The following LRRC74A variants were observed in gnomAD, a reference collection of about 807,000 sequenced individuals.
LRRC74A encodes the protein leucine rich repeat containing 74A.
A neutral mutation model predicts 57.9 loss-of-function variants in LRRC74A; 44 were observed. The observed-to-expected ratio is 0.76, with a 90% CI of 0.60 to 0.98. The LOEUF is 0.98. Ranked by LOEUF, LRRC74A falls within the 50% of genes least tolerant of loss-of-function variation. LRRC74A has a pLI of 0.00. For synonymous variants in LRRC74A, 211 were observed against 219.4 expected, an observed-to-expected ratio of 0.96 and a Z score of 0.34; for missense variants, 572 against 574.0, an observed-to-expected ratio of 1.00 and a Z score of 0.04.
In LRRC74A at chr14:76,831,282, C is replaced by T. The variant is rs1895952124; in HGVS notation, c.246C>T (p.Ser82=). 6.2e-7 allele frequency: 1 copy of T among 1,613,926 alleles called. No individual in the cohort carries two copies. Among genetic ancestry groups the T allele is most frequent in the African/African-American group, 1.3e-5 (1 of 74,936 alleles). Reference sequence around the variant, plus strand: ...AGCTGATGGGTGTAGTGCCTGTCTCCTACTTCATTCGGAACATGGAGGAGT... The same window carrying T: ...AGCTGATGGGTGTAGTGCCTGTCTCTTACTTCATTCGGAACATGGAGGAGT... ...ACKLMGVVPV[S]YFIRNMEESY... The change falls in exon 3 of 14, where the codon TCC becomes TCT. Residue 82 remains serine, a synonymous_variant. Coordinates refer to ENST00000689127, the MANE Select transcript of LRRC74A (RefSeq NM_001385106.1).
chr14:76,828,057 C>G (rs950030649), intron 1 of LRRC74A, among the ~76,000 whole-genome samples: 2 of 152,218 alleles, frequency 1.3e-5, no homozygotes, highest in African/African-American at 4.8e-5. Flanking sequence ...AGCAGCCGGT[C>G]TCCAGGGAGC....
Position 76,857,425 on chromosome 14 carries a change from C to T in LRRC74A, c.1003C>T (p.Leu335=), listed in dbSNP as rs1420690504. The change falls in exon 10 of 14, where the codon CTG becomes TTG. Residue 335 remains leucine, a synonymous_variant. Coordinates refer to ENST00000689127, the MANE Select transcript of LRRC74A (RefSeq NM_001385106.1). The part of the protein sequence containing the change: ...INMDGAILLI[L]AIKRNPKSRM... ...TATGGATGGGGCTATTTTACTTATC[C>T]TGGCTATCAAGAGGAACCCCAAATC... is the stretch of plus-strand genomic sequence containing the variant. 1 of 1,587,706 alleles carries T rather than the reference C, an allele frequency of 6.3e-7. No individual in the cohort carries two copies. The highest frequency in any genetic ancestry group is 1.3e-5 in the African/African-American group (1 of 74,642).
intron 7 of LRRC74A, among the ~76,000 whole-genome samples, chr14:76,845,806 G>A (rs955327083): frequency 1.3e-5 from 2 of 152,244 alleles, no homozygotes; most frequent in African/African-American, 4.8e-5. Context: ...AGATCACGAG[G>A]TCAAGAGATC....
At chr14:76,859,395 A>G (rs1898128085) in intron 10 of LRRC74A, among the ~76,000 whole-genome samples, 1 of 152,040 alleles carries the variant, frequency 6.6e-6, no homozygotes, top group Non-Finnish European at 1.5e-5. Flanking sequence ...TTAGCCGGCC[A>G]TGGTGGCGCA....
At position 76,829,762 on chromosome 14, in the gene LRRC74A, G is replaced by A. The variant is rs925114426; in HGVS notation, c.166+1343G>A. 2.0e-5 allele frequency among the ~76,000 whole-genome samples: 3 copies of A among 152,186 alleles called. No homozygotes were observed. The East Asian group carries it at 5.8e-4, about 29-fold the overall frequency. ...AAAACTCTGTCCTGAATGGTAACTC[G>A]GGGCTCAGCAGCCCTGGCTCCTGGT... On this transcript the variant is annotated intron_variant, in intron 2 of 13. Coordinates refer to ENST00000689127, the MANE Select transcript of LRRC74A (RefSeq NM_001385106.1).
chr14:76,854,869 C>A (rs1466040138), intron 9 of LRRC74A, among the ~76,000 whole-genome samples: 2 of 152,328 alleles, frequency 1.3e-5, no homozygotes, highest in South Asian at 4.1e-4. Context: ...CAAGAGCCAG[C>A]TGTCGTTACT....
At chr14:76,869,760 TAAAA>T (rs111436232) in intron 13 of LRRC74A, among the ~76,000 whole-genome samples, 2 of 108,830 alleles carry the variant, frequency 1.8e-5, no homozygotes, top group Non-Finnish European at 4.0e-5. Context: ...AGACTCCATC[TAAAA>T]AAAAAAAAAA....
intron 11 of LRRC74A, among the ~76,000 whole-genome samples, chr14:76,862,234 T>C (rs1250496941): frequency 1.3e-5 from 2 of 152,012 alleles, no homozygotes; most frequent in Non-Finnish European, 1.5e-5. Context: ...CCACAGAACA[T>C]AGAAAGTTTC....
chr14:76,828,342 G>C lies in LRRC74A; in HGVS notation c.89G>C (p.Cys30Ser). The part of the protein sequence containing the change: ...VRQSSDKMLY[C>S]EAESPPTVEK... ...CAGAGCAGCGATAAAATGCTCTACT[G>C]TGAGGCCGAATCCCCGCCGACTGTT... The change falls in exon 2 of 14, where the codon TGT becomes TCT. Residue 30 changes from cysteine to serine, a missense_variant. Transcript: ENST00000689127. 6.2e-7 allele frequency: 1 copy of C among 1,613,558 alleles called. No individual in the cohort carries two copies. Among genetic ancestry groups the C allele is most frequent in the Non-Finnish European group, 8.5e-7 (1 of 1,179,480 alleles).
chr14:76,826,617 G>A lies in LRRC74A; in HGVS notation c.-81G>A, dbSNP rs367555116. ...AGTTCACAGAGTTTGAGACAGAGGT[G>A]AATGGACAGGTGTGCTTCTTAGGGA... On this transcript the variant is annotated 5_prime_UTR_variant, in exon 1 of 14. It removes the in-frame stop codon of an upstream open reading frame in the 5' UTR. Coordinates refer to ENST00000689127, the MANE Select transcript of LRRC74A (RefSeq NM_001385106.1). 5.0e-6 allele frequency: 8 copies of A among 1,612,072 alleles called. No individual in the cohort carries two copies. The highest frequency in any genetic ancestry group is 6.8e-6 in the Non-Finnish European group (8 of 1,179,164).
At chr14:76,830,412 G>C (rs1010971953) in intron 2 of LRRC74A, among the ~76,000 whole-genome samples, 1 of 152,236 alleles carries the variant, frequency 6.6e-6, no homozygotes, top group African/African-American at 2.4e-5. Flanking sequence ...CATGGGCCAG[G>C]CTGGCCTAAA....
chr14:76,849,045 C>T (rs4903499), intron 7 of LRRC74A, among the ~76,000 whole-genome samples: 138,381 of 152,236 alleles, frequency 0.91, 63,061 homozygotes, highest in Non-Finnish European at 0.94. Context: ...AAATACCATG[C>T]AGGAGGGAGG....
intron 10 of LRRC74A, 83 bp from the exon 11 acceptor site, chr14:76,860,610 G>C: frequency 7.5e-7 from 1 of 1,326,146 alleles, no homozygotes; most frequent in Non-Finnish European, 1.0e-6. Flanking sequence ...CTTTGGCTTG[G>C]GTGGAAGGGG....
chr14:76,845,625 T>C (rs1020246359), intron 7 of LRRC74A, among the ~76,000 whole-genome samples: 1 of 152,158 alleles, frequency 6.6e-6, no homozygotes, highest in Non-Finnish European at 1.5e-5. Flanking sequence ...AACCAGCACA[T>C]GTAGGCCTGA....
At chr14:76,855,626 T>C (rs997797574) in intron 9 of LRRC74A, among the ~76,000 whole-genome samples, 1 of 152,124 alleles carries the variant, frequency 6.6e-6, no homozygotes, top group Admixed American at 6.6e-5. Context: ...GCCCTAAGCT[T>C]GGAAAAATAA....
At chr14:76,869,353 C>T (rs1899238608) in intron 13 of LRRC74A, among the ~76,000 whole-genome samples, 1 of 152,236 alleles carries the variant, frequency 6.6e-6, no homozygotes, top group Non-Finnish European at 1.5e-5. Flanking sequence ...CTTCAGATCA[C>T]ACACTGCCGC....
rs779028912 is a variant in LRRC74A at position 76,844,864 on chromosome 14, C to A, written c.639C>A (p.Phe213Leu). 8 of 1,596,298 alleles carry A rather than the reference C, an allele frequency of 5.0e-6. No homozygotes were observed. Among genetic ancestry groups the A allele is most frequent in the Non-Finnish European group, 6.9e-6 (8 of 1,164,074 alleles). ...AGCTGGATCTCAGTCACAACCAATT[C>A]TCTGATGTAGGAGGGGAGCACCTGG... ...IKKLDLSHNQ[F>L]SDVGGEHLGQ... Residue 213 changes from phenylalanine to leucine, a missense_variant, in exon 7 of 14, where the codon TTC (phenylalanine) becomes TTA (leucine). Phe to Leu is a conservative substitution (Grantham distance 22). Coordinates refer to ENST00000689127, the MANE Select transcript of LRRC74A (RefSeq NM_001385106.1).
intron 11 of LRRC74A, among the ~76,000 whole-genome samples, chr14:76,862,923 C>T (rs1207333292): frequency 2.0e-5 from 3 of 151,974 alleles, no homozygotes; most frequent in East Asian, 1.9e-4. Flanking sequence ...AACAGGGGGC[C>T]GGTGAGAGCT....
At chr14:76,869,987 G>T (rs1224650949) in intron 13 of LRRC74A, 138 bp from the exon 14 acceptor site, 7 of 803,386 alleles carry the variant, frequency 8.7e-6, no homozygotes, top group Non-Finnish European at 1.5e-5. Context: ...GAGATATAAT[G>T]GTTAACAGCA....
Sources: allele counts gnomAD v4.1 joint callset (sites outside exome capture counted in the v4.1 genomes callset), GRCh38; gene constraint gnomAD v4.1.1; transcripts MANE v1.5; gene names NCBI Gene and HGNC (gene_info 2026-07-23, HGNC 2026-07-21).